The following APBA2 variants were observed in gnomAD, a reference collection of about 807,000 sequenced individuals.
The protein encoded by APBA2 is amyloid beta precursor protein binding family A member 2.
In APBA2, 30 loss-of-function variants were observed where a neutral mutation model predicts 75.0. That is an observed-to-expected ratio of 0.40 (90% CI 0.30 to 0.54). The LOEUF is 0.54. Ranked by LOEUF, APBA2 falls within the 20% of genes least tolerant of loss-of-function variation. The probability of loss-of-function intolerance (pLI) is 0.49; values close to 1 mark genes in which losing one functional copy is unlikely to be tolerated. For missense variants in APBA2, 801 were observed against 1,016.1 expected (o/e 0.79, Z 2.88); for synonymous variants, 444 against 409.6 (o/e 1.08, Z -1.01).
At chr15:28,914,236 CAG>C (rs1429501937) in intron 1 of APBA2, among the ~76,000 whole-genome samples, 3 of 152,190 alleles carry the variant, frequency 2.0e-5, no homozygotes, top group Non-Finnish European at 2.9e-5. Flanking sequence ...GGGGCCCTCA[CAG>C]GGGCTGCTTT....
Position 29,010,109 on chromosome 15 carries a change from G to T in APBA2, c.-41+14303G>T, listed in dbSNP as rs1489488597. On this transcript the variant is annotated intron_variant, in intron 3 of 14. Coordinates refer to ENST00000683413, the MANE Select transcript of APBA2 (RefSeq NM_001353788.2). Reference sequence around the variant, plus strand: ...TTGATTTTTAGTGGATGCATGGTGGGATCCTCTGGTATGATTTTCAGTTCA... The same window carrying T: ...TTGATTTTTAGTGGATGCATGGTGGTATCCTCTGGTATGATTTTCAGTTCA... Among the ~76,000 whole-genome samples, 3 of 152,152 alleles carry T rather than the reference G, an allele frequency of 2.0e-5. No homozygotes were observed. The East Asian group carries it at 5.8e-4, about 29-fold the overall frequency.
chr15:28,890,755 G>A (rs974648615), intron 1 of APBA2, among the ~76,000 whole-genome samples: 5 of 152,172 alleles, frequency 3.3e-5, no homozygotes, highest in African/African-American at 1.2e-4. Flanking sequence ...TCTTGCCTGC[G>A]GTTGTTTTGA....
rs1163022710 is a variant in APBA2 at position 28,967,162 on chromosome 15, CTTCAT to C, written c.-94-28587_-94-28583del. Reference sequence around the variant, plus strand: ...TCTCCTGAGAATATCTTAATTTCTCCTTCATTTCTTTTTTTTGATAGCAAATTTAT... The same window carrying C: ...TCTCCTGAGAATATCTTAATTTCTCCTTCTTTTTTTTGATAGCAAATTTAT... On this transcript the variant is annotated intron_variant, in intron 2 of 14. Coordinates refer to ENST00000683413, the MANE Select transcript of APBA2 (RefSeq NM_001353788.2). Among the ~76,000 whole-genome samples, 8 of 152,088 alleles carry C rather than the reference CTTCAT, an allele frequency of 5.3e-5. No homozygotes were observed. In the East Asian group the frequency reaches 9.7e-4, roughly 18 times the overall value.
At chr15:28,950,369 C>G (rs1275501986) in intron 2 of APBA2, among the ~76,000 whole-genome samples, 1 of 151,976 alleles carries the variant, frequency 6.6e-6, no homozygotes, top group Non-Finnish European at 1.5e-5. Context: ...TGGCTCATGC[C>G]TGTAATCCCA....
intron 2 of APBA2, among the ~76,000 whole-genome samples, chr15:28,979,811 C>G (rs1213674057): frequency 6.6e-6 from 1 of 152,108 alleles, no homozygotes; most frequent in Non-Finnish European, 1.5e-5. Flanking sequence ...TCCTCATGCT[C>G]AGGTTCAAAA....
At chr15:29,033,254 T>A (rs1377376733) in intron 3 of APBA2, among the ~76,000 whole-genome samples, 3 of 152,202 alleles carry the variant, frequency 2.0e-5, no homozygotes, top group African/African-American at 7.2e-5. Flanking sequence ...TCCTCTTTGA[T>A]GTCCTTTCTG....
At chr15:28,967,388 C>CT (rs1251639969) in intron 2 of APBA2, among the ~76,000 whole-genome samples, 1 of 152,126 alleles carries the variant, frequency 6.6e-6, no homozygotes, top group African/African-American at 2.4e-5. Context: ...AGTTGATAGT[C>CT]TTTTCAAGTG....
intron 3 of APBA2, among the ~76,000 whole-genome samples, chr15:29,045,895 A>C (rs1476611219): frequency 6.6e-6 from 1 of 152,232 alleles, no homozygotes; most frequent in Non-Finnish European, 1.5e-5. Flanking sequence ...TCAGTTTCAC[A>C]AATGATGTGC....
chr15:28,906,960 G>A (rs999141226), intron 1 of APBA2, among the ~76,000 whole-genome samples: 13 of 152,080 alleles, frequency 8.5e-5, no homozygotes, highest in South Asian at 4.1e-4. Context: ...TTTATTTAAA[G>A]ACATATTTGG....
chr15:29,102,145 T>C (rs949043737), intron 10 of APBA2: 7 of 392,042 alleles, frequency 1.8e-5, no homozygotes, highest in Non-Finnish European at 3.3e-5. Flanking sequence ...TGGCATGCTG[T>C]ATAAAGAAAG....
chr15:28,961,038 C>T (rs8033822), intron 2 of APBA2, among the ~76,000 whole-genome samples: 16,972 of 152,082 alleles, frequency 0.11, 2,899 homozygotes, highest in African/African-American at 0.37. Context: ...GGATTACAGG[C>T]GTGAGCCACC....
chr15:29,021,664 A>G (rs2039963434), intron 3 of APBA2, among the ~76,000 whole-genome samples: 1 of 152,186 alleles, frequency 6.6e-6, no homozygotes, highest in Non-Finnish European at 1.5e-5. Flanking sequence ...ACTCAACAGA[A>G]GATCCACCTT....
At chr15:28,899,958 G>A (rs1033619494) in intron 1 of APBA2, among the ~76,000 whole-genome samples, 5 of 152,212 alleles carry the variant, frequency 3.3e-5, no homozygotes, top group African/African-American at 1.2e-4. Flanking sequence ...GTGTGGGAGA[G>A]TGTGTCGGGA....
At chr15:28,931,103 C>G (rs1405776667) in intron 2 of APBA2, among the ~76,000 whole-genome samples, 1 of 152,256 alleles carries the variant, frequency 6.6e-6, no homozygotes, top group Non-Finnish European at 1.5e-5. Flanking sequence ...CCCCAGCCCC[C>G]TCCATGAGGC....
intron 8 of APBA2, 59 bp from the exon 9 acceptor site, chr15:29,098,431 G>T (rs1595960092): frequency 8.4e-7 from 1 of 1,185,980 alleles, no homozygotes; most frequent in East Asian, 2.3e-5. Flanking sequence ...AATGCTATTT[G>T]CATGTCCTCT....
intron 3 of APBA2, among the ~76,000 whole-genome samples, chr15:29,052,455 A>AAAAAAAGAAAAC (rs1404873053): frequency 1.1e-5 from 1 of 88,586 alleles, no homozygotes; most frequent in African/African-American, 1.1e-4. Context: ...ACTCCATCTC[A>AAAAAAAGAAAAC]AAAAAAAAAA....
chr15:29,102,759 CAAA>C (rs11366143), intron 10 of APBA2: 1,603 of 144,032 alleles, frequency 0.011, 29 homozygotes, highest in African/African-American at 0.04. Flanking sequence ...AACTCCGTCT[CAAA>C]AAAAAAAAAA....
At chr15:28,896,343 G>A (rs1236154216) in intron 1 of APBA2, among the ~76,000 whole-genome samples, 1 of 152,094 alleles carries the variant, frequency 6.6e-6, no homozygotes, top group African/African-American at 2.4e-5. Context: ...GCAGTGGCAC[G>A]ATCTCAGCTC....
chr15:28,939,487 G>A (rs1289791967), intron 2 of APBA2, among the ~76,000 whole-genome samples: 1 of 152,170 alleles, frequency 6.6e-6, no homozygotes, highest in Non-Finnish European at 1.5e-5. Context: ...CAGTGTACAA[G>A]GGCTCCAATT....
Sources: allele counts gnomAD v4.1 joint callset (sites outside exome capture counted in the v4.1 genomes callset), GRCh38; gene constraint gnomAD v4.1.1; transcripts MANE v1.5; gene names NCBI Gene and HGNC (gene_info 2026-07-23, HGNC 2026-07-21).